Variants in CLCNKB observed in about 807,000 individuals in gnomAD.
The protein encoded by CLCNKB is chloride voltage-gated channel Kb.
Under a neutral mutation model 83.8 loss-of-function variants are expected in CLCNKB, and 74 were observed. The observed-to-expected ratio is 0.88, with a 90% CI of 0.73 to 1.07. The LOEUF is 1.07. Ranked by LOEUF, CLCNKB falls within the 50% of genes least tolerant of loss-of-function variation. The pLI, the probability that CLCNKB is intolerant of heterozygous loss-of-function variation, is 0.00. For synonymous variants in CLCNKB, 358 were observed against 356.6 expected, an observed-to-expected ratio of 1.00 and a Z score of -0.04; for missense variants, 798 against 893.6, an observed-to-expected ratio of 0.89 and a Z score of 1.36.
chr1:16,056,396 A>G (rs1174131877), intron 18 of CLCNKB, 26 bp from the exon 19 acceptor site: 2 of 1,611,888 alleles, frequency 1.2e-6, no homozygotes, highest in Non-Finnish European at 1.7e-6. Context: ...TCTACCCTCC[A>G]GTGTTTCCTA....
chr1:16,049,392 G>A, intron 8 of CLCNKB, 147 bp downstream of exon 8: 1 of 1,523,118 alleles, frequency 6.6e-7, no homozygotes, highest in Non-Finnish European at 8.8e-7. Context: ...CTTCTGGGAG[G>A]ATGGAGGGGG....
rs375079508 is a variant in CLCNKB at position 16,048,351 on chromosome 1, C to T, written c.507C>T (p.Phe169=). ...STLFLGKVGP[F]VHLSVMMAAY... is the part of the protein sequence containing the mutation. ...CACCCTTCTCTCTGCAGGGCCCTTT[C>T]GTGCACCTGTCTGTGATGATGGCTG... is the stretch of plus-strand genomic sequence containing the variant. The change falls in exon 6 of 20, where the codon TTC becomes TTT. Residue 169 remains phenylalanine, a synonymous_variant. Coordinates refer to ENST00000375679, the MANE Select transcript of CLCNKB (RefSeq NM_000085.5). 2 of 1,613,874 alleles carry T rather than the reference C, an allele frequency of 1.2e-6. No individual in the cohort carries two copies. Among genetic ancestry groups the T allele is most frequent in the Non-Finnish European group, 1.7e-6 (2 of 1,180,016 alleles).
rs370860323 is a variant in CLCNKB at position 16,044,489 on chromosome 1, C to T, written c.-4C>T. Reference sequence around the variant, plus strand: ...CTCCCTCTATCCGCTTCTCCAGGGGCCTGATGGAGGAGTTTGTGGGGCTGC... The same window carrying T: ...CTCCCTCTATCCGCTTCTCCAGGGGTCTGATGGAGGAGTTTGTGGGGCTGC... On this transcript the variant is annotated 5_prime_UTR_variant, in exon 2 of 20. Coordinates refer to ENST00000375679, the MANE Select transcript of CLCNKB (RefSeq NM_000085.5). 15 of 1,598,642 alleles carry T rather than the reference C, an allele frequency of 9.4e-6. No homozygotes were observed. In the African/African-American group the frequency reaches 1.7e-4, roughly 18 times the overall value.
chr1:16,045,784 GGGGTGCTCTGGGT>G, intron 3 of CLCNKB, 98 bp downstream of exon 3: 2 of 1,214,652 alleles, frequency 1.6e-6, no homozygotes, highest in Non-Finnish European at 1.2e-6. Context: ...GAGGTTGGGG[GGGGTGCTCTGGGT>G]GGGGATCTGG....
Position 16,052,243 on chromosome 1 carries a change from C to T in CLCNKB, c.1454C>T (p.Ala485Val), listed in dbSNP as rs546846354. The T allele has an allele frequency of 9.1e-5, 147 of 1,613,298 alleles. No homozygotes were observed. The highest frequency in any genetic ancestry group is 6.7e-4 in the South Asian group (61 of 91,082). Residue 485 changes from alanine (A) to valine (V), a missense_variant, in exon 15 of 20, where the codon GCG (alanine) becomes GTG (valine). By Grantham distance (64) the Ala-to-Val change is moderately conservative. Transcript: ENST00000375679. The stretch of plus-strand genomic sequence containing the variant: ...GCTGTGACCCACACCATCTCCACGG[C>T]GCTGCTGGCCTTCGAGGTGACCGGC... ...SGAVTHTISTALLAFEVTGQI... is the reference protein window; with the variant it reads ...SGAVTHTISTVLLAFEVTGQI...
intron 15 of CLCNKB, among the ~76,000 whole-genome samples, chr1:16,053,056 A>G (rs2023342202): frequency 6.7e-6 from 1 of 149,956 alleles, no homozygotes. Flanking sequence ...TTTGAGATGG[A>G]ATCTCACTCT....
At position 16,051,712 on chromosome 1, in the gene CLCNKB, G is replaced by C; in HGVS notation, c.1300G>C (p.Ala434Pro). 6.2e-7 allele frequency: 1 copy of C among 1,613,774 alleles called. No individual in the cohort carries two copies. Among genetic ancestry groups the C allele is most frequent in the Non-Finnish European group, 8.5e-7 (1 of 1,179,752 alleles). Residue 434 changes from alanine (A) to proline (P), a missense_variant and splice_region_variant, in exon 14 of 20, where the codon GCT becomes CCT. Coordinates refer to ENST00000375679, the MANE Select transcript of CLCNKB (RefSeq NM_000085.5). ...CCTCACCCTAAGTCTGTGGCCAGGA[G>C]CTGCTATCGGGCGCCTCTTTGGGGA... ...GYFMPIFVYG[A>P]AIGRLFGETL...
chr1:16,052,156 G>T (rs778835019), intron 14 of CLCNKB, 42 bp from the exon 15 acceptor site: 2 of 1,610,360 alleles, frequency 1.2e-6, no homozygotes, highest in Non-Finnish European at 8.5e-7. Context: ...ACATGAGGCT[G>T]GCCCCTGGCC....
Position 16,049,833 on chromosome 1 carries a change from G to C in CLCNKB, c.885G>C (p.Leu295=). ...TCCCCAGGGGTCTCTGTGGCATCCTGGGCAGCGCTTACCTCTTCTGTCAGC... is the reference window on the plus strand; with the variant it reads ...TCCCCAGGGGTCTCTGTGGCATCCTCGGCAGCGCTTACCTCTTCTGTCAGC... ...FVALGGLCGI[L]GSAYLFCQRI... The change falls in exon 10 of 20, where the codon CTG becomes CTC. Residue 295 remains leucine (L), a synonymous_variant. Transcript: ENST00000375679. The C allele has an allele frequency of 6.2e-7, 1 of 1,613,764 alleles. No homozygotes were observed. The highest frequency in any genetic ancestry group is 1.1e-5 in the South Asian group (1 of 91,066).
intron 2 of CLCNKB, among the ~76,000 whole-genome samples, chr1:16,044,938 G>T (rs1437909809): frequency 6.6e-6 from 1 of 152,204 alleles, no homozygotes; most frequent in Non-Finnish European, 1.5e-5. Flanking sequence ...AGGGGCTGGG[G>T]CAGCCTACAC....
chr1:16,055,864 C>A, intron 18 of CLCNKB, 106 bp downstream of exon 18: 1 of 1,006,160 alleles, frequency 9.9e-7, no homozygotes, highest in Non-Finnish European at 1.5e-6. Context: ...CCCTGCCCGT[C>A]TTATGCTGCT....
At chr1:16,048,749 G>A (rs1322492643) in intron 7 of CLCNKB, 167 bp downstream of exon 7, 4 of 1,475,630 alleles carry the variant, frequency 2.7e-6, no homozygotes, top group South Asian at 1.4e-5. Context: ...GGGGAGGGGG[G>A]GCGGGTGACT....
chr1:16,055,335 A>G (rs1297622092), intron 16 of CLCNKB, 100 bp from the exon 17 acceptor site: 11 of 953,716 alleles, frequency 1.2e-5, no homozygotes, highest in Non-Finnish European at 1.9e-5. Context: ...ATAGCCCCAT[A>G]GGAACACCAG....
Position 16,045,782 on chromosome 1 carries a change from G to T in CLCNKB, c.229+96G>T, listed in dbSNP as rs561132266. The T allele has an allele frequency of 6.7e-5, 86 of 1,285,396 alleles. 2 individuals carry two copies. The highest frequency in any genetic ancestry group is 4.4e-4 in the East Asian group (16 of 36,466). The allele number at this position is 1,285,396 out of a possible 1,614,324, so 79.6% of individuals were successfully genotyped here. ...TGTCGCCAGGTGCAGCGGAGGTTGG[G>T]GGGGGTGCTCTGGGTGGGGATCTGG... On this transcript the variant is annotated intron_variant, in intron 3 of 19. Coordinates refer to ENST00000375679, the MANE Select transcript of CLCNKB (RefSeq NM_000085.5).
Position 16,048,059 on chromosome 1 carries a change from G to A in CLCNKB, c.498+15G>A, listed in dbSNP as rs1190063527. ...TCGGGAAAGTGGTATGGGCAGGGGT[G>A]AGGGCATCCCAACCACCCTACCCAC... On this transcript the variant is annotated intron_variant, in intron 5 of 19. Coordinates refer to ENST00000375679, the MANE Select transcript of CLCNKB (RefSeq NM_000085.5). 1 of 1,610,294 alleles carries A rather than the reference G, an allele frequency of 6.2e-7. No homozygotes were observed. Among genetic ancestry groups the A allele is most frequent in the African/African-American group, 1.3e-5 (1 of 74,818 alleles).
intron 15 of CLCNKB, 129 bp from the exon 16 acceptor site, chr1:16,053,510 C>G: frequency 2.2e-6 from 3 of 1,360,352 alleles, no homozygotes; most frequent in Non-Finnish European, 3.1e-6. Flanking sequence ...TTCCAGGAAC[C>G]TCTCCGGCCC....
In CLCNKB at chr1:16,051,193, A is replaced by G. The variant is rs1181262273; in HGVS notation, c.1227+145A>G. 6.3e-5 allele frequency: 82 copies of G among 1,310,310 alleles called. 2 individuals are homozygous for G. In the South Asian group the frequency reaches 1.0e-3, roughly 16 times the overall value. The allele number at this position is 1,310,310 out of a possible 1,614,324, so 81.2% of individuals were successfully genotyped here. ...CCCCCTGCCCATTGCATGGTCCTGGACAAGTGGCTTCAGCTCTCTGGGCCT... is the reference window on the plus strand; with the variant it reads ...CCCCCTGCCCATTGCATGGTCCTGGGCAAGTGGCTTCAGCTCTCTGGGCCT... On this transcript the variant is annotated intron_variant, in intron 12 of 19. Transcript: ENST00000375679.
At position 16,046,577 on chromosome 1, in the gene CLCNKB, T is replaced by C. The variant is rs1213808718; in HGVS notation, c.272T>C (p.Leu91Pro). 3.1e-6 allele frequency: 5 copies of C among 1,613,998 alleles called. No homozygotes were observed. In the African/African-American group the frequency reaches 4.0e-5, roughly 13 times the overall value. The change falls in exon 4 of 20, where the codon CTC becomes CCC. Residue 91 changes from leucine (L) to proline (P), a missense_variant. Leu to Pro is a moderately conservative substitution (Grantham distance 98). Coordinates refer to ENST00000375679, the MANE Select transcript of CLCNKB (RefSeq NM_000085.5). ...LYREIGDSHL[L>P]RYLSWTVYPV... ...AGGGAGATTGGGGACAGCCACCTGC[T>C]CCGGTATCTCTCCTGGACTGTGTAC...
chr1:16,053,508 A>G (rs765509148), intron 15 of CLCNKB, 131 bp from the exon 16 acceptor site: 36 of 1,331,356 alleles, frequency 2.7e-5, no homozygotes, highest in Non-Finnish European at 3.8e-5. Flanking sequence ...CATTCCAGGA[A>G]CCTCTCCGGC....
Sources: allele counts gnomAD v4.1 joint callset (sites outside exome capture counted in the v4.1 genomes callset), GRCh38; gene constraint gnomAD v4.1.1; transcripts MANE v1.5; gene names NCBI Gene and HGNC (gene_info 2026-07-23, HGNC 2026-07-21).